GPC6: variants seen among roughly 807,000 people sequenced by gnomAD.
GPC6 encodes glypican 6.
In GPC6, 14 loss-of-function variants were observed where a neutral mutation model predicts 55.2. The observed-to-expected ratio is 0.25, with a 90% confidence interval of 0.17 to 0.40. The LOEUF is 0.40. Ranked by LOEUF, GPC6 falls within the 10% of genes least tolerant of loss-of-function variation. The pLI is 1.00. For missense variants in GPC6, 641 were observed against 708.5 expected (o/e 0.90, Z 1.08); for synonymous variants, 278 against 259.6 (o/e 1.07, Z -0.68).
intron 1 of GPC6, among the ~76,000 whole-genome samples, chr13:93,268,426 C>T (rs1007910081): frequency 1.3e-5 from 2 of 152,080 alleles, no homozygotes; most frequent in African/African-American, 2.4e-5. Context: ...TTTGAGTACC[C>T]GGTCAGTGAG....
chr13:94,011,458 C>T (rs938947927), intron 3 of GPC6, among the ~76,000 whole-genome samples: 1 of 152,050 alleles, frequency 6.6e-6, no homozygotes, highest in African/African-American at 2.4e-5. Flanking sequence ...TGAAAATGTG[C>T]TTTTGTTGGT....
chr13:93,742,758 A>T (rs1054229566), intron 2 of GPC6, among the ~76,000 whole-genome samples: 1 of 152,198 alleles, frequency 6.6e-6, no homozygotes, highest in Admixed American at 6.5e-5. Flanking sequence ...CTTGGAGAAA[A>T]TTAATAAAAT....
In GPC6 at chr13:93,911,678, G is replaced by A. The variant is rs78782246; in HGVS notation, c.711+81133G>A. On this transcript the variant is annotated intron_variant, in intron 3 of 8. Coordinates refer to ENST00000377047, the MANE Select transcript of GPC6 (RefSeq NM_005708.5). ...AGATTCGGATCAAGATTTACTAACC[G>A]TTTGACCTTGGGCGTATTGCTTAAC... Among the ~76,000 whole-genome samples the A allele has an allele frequency of 8.5e-3, 1,287 of 152,254 alleles. 19 individuals are homozygous for A. The highest frequency in any genetic ancestry group is 0.029 in the African/African-American group (1,198 of 41,528).
At chr13:94,200,672 G>T (rs1889720525) in intron 4 of GPC6, among the ~76,000 whole-genome samples, 1 of 152,212 alleles carries the variant, frequency 6.6e-6, no homozygotes, top group South Asian at 2.1e-4. Context: ...TAGTTTGCAT[G>T]GTTGGAGAAA....
At chr13:93,595,524 T>C (rs894833423) in intron 2 of GPC6, among the ~76,000 whole-genome samples, 2 of 152,188 alleles carry the variant, frequency 1.3e-5, no homozygotes, top group Non-Finnish European at 2.9e-5. Flanking sequence ...CAGTGAACTA[T>C]AGACCAGACA....
At chr13:93,998,077 A>G (rs557442297) in intron 3 of GPC6, among the ~76,000 whole-genome samples, 1 of 152,318 alleles carries the variant, frequency 6.6e-6, no homozygotes, top group Admixed American at 6.5e-5. Context: ...GCACTTATTT[A>G]TAGAGTTTTC....
intron 1 of GPC6, among the ~76,000 whole-genome samples, chr13:93,397,798 T>C (rs1875918182): frequency 2.0e-5 from 3 of 152,142 alleles, no homozygotes; most frequent in East Asian, 1.9e-4. Flanking sequence ...TATTTTTTTT[T>C]CCTAAAAAGT....
intron 2 of GPC6, among the ~76,000 whole-genome samples, chr13:93,829,939 G>A (rs571633737): frequency 2.3e-4 from 35 of 152,318 alleles, no homozygotes; most frequent in Non-Finnish European, 4.7e-4. Flanking sequence ...AATGTTAATG[G>A]AAATCATGGG....
intron 1 of GPC6, among the ~76,000 whole-genome samples, chr13:93,538,796 C>T (rs1882166900): frequency 6.6e-6 from 1 of 152,168 alleles, no homozygotes. Flanking sequence ...ATGTTTCCTT[C>T]AGGAAAGATT....
At chr13:93,889,985 A>G (rs1024420131) in intron 3 of GPC6, among the ~76,000 whole-genome samples, 13 of 152,104 alleles carry the variant, frequency 8.5e-5, no homozygotes, top group Non-Finnish European at 4.4e-5. Flanking sequence ...AAAAAATTCT[A>G]CGCAGGAAAA....
chr13:93,516,741 G>C (rs1263650786), intron 1 of GPC6, among the ~76,000 whole-genome samples: 1 of 150,586 alleles, frequency 6.6e-6, no homozygotes, highest in East Asian at 1.9e-4. Flanking sequence ...GTGAGCAACA[G>C]GTGTATAAGA....
chr13:93,680,613 A>G (rs1390384884), intron 2 of GPC6, among the ~76,000 whole-genome samples: 1 of 152,180 alleles, frequency 6.6e-6, no homozygotes, highest in African/African-American at 2.4e-5. Context: ...CCAGAAATAC[A>G]GAGTAAAGTC....
At chr13:93,997,422 A>G (rs956346035) in intron 3 of GPC6, among the ~76,000 whole-genome samples, 1 of 152,186 alleles carries the variant, frequency 6.6e-6, no homozygotes, top group Admixed American at 6.6e-5. Context: ...ATTAGTCCCA[A>G]CATAAAATAA....
intron 2 of GPC6, among the ~76,000 whole-genome samples, chr13:93,776,342 T>C (rs571992497): frequency 6.6e-6 from 1 of 152,240 alleles, no homozygotes; most frequent in Non-Finnish European, 1.5e-5. Flanking sequence ...ACTAAGAACA[T>C]CCTCATCTTA....
At chr13:94,068,573 A>G (rs991001728) in intron 4 of GPC6, among the ~76,000 whole-genome samples, 2 of 152,188 alleles carry the variant, frequency 1.3e-5, no homozygotes, top group Non-Finnish European at 1.5e-5. Flanking sequence ...AGACAAGGCA[A>G]GTTCCTCCTG....
chr13:94,093,926 A>G (rs1353591826), intron 4 of GPC6, among the ~76,000 whole-genome samples: 1 of 152,118 alleles, frequency 6.6e-6, no homozygotes, highest in Non-Finnish European at 1.5e-5. Flanking sequence ...CAGGAAAAAA[A>G]CACAAGAAAA....
At chr13:93,262,355 T>C (rs1204266141) in intron 1 of GPC6, among the ~76,000 whole-genome samples, 1 of 152,104 alleles carries the variant, frequency 6.6e-6, no homozygotes, top group Non-Finnish European at 1.5e-5. Context: ...GTGGATCCTT[T>C]CACGCCAAGT....
intron 1 of GPC6, among the ~76,000 whole-genome samples, chr13:93,261,282 G>C: frequency 6.6e-6 from 1 of 152,062 alleles, no homozygotes; most frequent in Non-Finnish European, 1.5e-5. Context: ...GAAACATTGG[G>C]ATTTTTAAAT....
At chr13:93,454,892 G>T (rs987409536) in intron 1 of GPC6, among the ~76,000 whole-genome samples, 7 of 152,250 alleles carry the variant, frequency 4.6e-5, no homozygotes, top group African/African-American at 1.7e-4. Flanking sequence ...GGGGTGGGAG[G>T]CTCAGGCATG....
Sources: allele counts gnomAD v4.1 joint callset (sites outside exome capture counted in the v4.1 genomes callset), GRCh38; gene constraint gnomAD v4.1.1; transcripts MANE v1.5; gene names NCBI Gene and HGNC (gene_info 2026-07-23, HGNC 2026-07-21).